The following SGSM1 variants were observed in gnomAD, a reference collection of about 807,000 sequenced individuals.
The protein encoded by SGSM1 is small G protein signaling modulator 1.
SGSM1 carries 73 observed loss-of-function variants against 133.8 expected under a neutral mutation model. The ratio of observed to expected loss-of-function variants is 0.55; its 90% CI spans 0.45 to 0.66. The LOEUF (loss-of-function observed/expected upper bound fraction) is 0.66, where lower values mean the gene tolerates loss of function less well. Among genes scored for constraint, SGSM1 ranks in the 30% least tolerant of loss-of-function variants. The probability of loss-of-function intolerance (pLI) is 0.00; values close to 1 mark genes in which losing one functional copy is unlikely to be tolerated. For missense variants in SGSM1, 1,213 were observed against 1,448.1 expected, an observed-to-expected ratio of 0.84 and a Z score of 2.64; for synonymous variants, 563 against 573.0, an observed-to-expected ratio of 0.98 and a Z score of 0.25.
chr22:24,920,009 G>A lies in SGSM1; in HGVS notation c.3193+16G>A. On this transcript the variant is annotated intron_variant, in intron 24 of 24. Coordinates refer to ENST00000400358, the MANE Select transcript of SGSM1 (RefSeq NM_001098497.3). ...TTCTTTAATGGTACCCACATGACTG[G>A]GGCCTCATGAGAGGGGTGCAGGCTT... The A allele has an allele frequency of 6.3e-7, 1 of 1,578,746 alleles. No individual in the cohort carries two copies. The highest frequency in any genetic ancestry group is 8.6e-7 in the Non-Finnish European group (1 of 1,162,214).
chr22:24,853,769 A>ATTTTTTTTTTTTTTTTTTT (rs57736929), intron 5 of SGSM1, among the ~76,000 whole-genome samples: 2 of 123,438 alleles, frequency 1.6e-5, no homozygotes, highest in African/African-American at 3.3e-5. Flanking sequence ...CGCCTGGTGA[A>ATTTTTTTTTTTTTTTTTTT]TTTTTTTTTT....
Position 24,890,214 on chromosome 22 carries a change from C to T in SGSM1, c.1771-3217C>T, listed in dbSNP as rs185517730. On this transcript the variant is annotated intron_variant, in intron 16 of 24. Coordinates refer to ENST00000400358, the MANE Select transcript of SGSM1 (RefSeq NM_001098497.3). ...CTTGTGATCCGCCCGCCTTGGCCTC[C>T]CAAAGTCCTGGGATTACAGGCATGA... Among the ~76,000 whole-genome samples, 110 of 152,290 alleles carry T rather than the reference C, an allele frequency of 7.2e-4. 1 individual carries two copies. Among genetic ancestry groups the T allele is most frequent in the African/African-American group, 2.6e-3 (108 of 41,550 alleles).
chr22:24,905,167 T>A lies in SGSM1; in HGVS notation c.2798T>A (p.Leu933Gln), dbSNP rs1331093729. The change falls in exon 21 of 25, where the codon CTG becomes CAG. Residue 933 changes from leucine (L) to glutamine (Q), a missense_variant. Leu to Gln is a moderately radical substitution (Grantham distance 113). Transcript: ENST00000400358. ...GGCATGTGTGATCTTCTGGCTCCAC[T>A]GCTGGTCATTCTGGATGATGGTGAG... ...VQGMCDLLAPLLVILDDEALA... is the reference protein window; with the variant it reads ...VQGMCDLLAPQLVILDDEALA... 1.9e-6 allele frequency: 3 copies of A among 1,613,914 alleles called. No homozygotes were observed.
intron 2 of SGSM1, among the ~76,000 whole-genome samples, chr22:24,829,613 G>A (rs7288359): frequency 0.22 from 33,418 of 151,994 alleles, 5,254 homozygotes; most frequent in African/African-American, 0.43. Context: ...CTGCTGTGAG[G>A]CAAGGTATTC....
chr22:24,828,902 G>A (rs763235907), intron 2 of SGSM1, among the ~76,000 whole-genome samples: 9 of 152,134 alleles, frequency 5.9e-5, no homozygotes, highest in Non-Finnish European at 1.3e-4. Flanking sequence ...CCACACAAAA[G>A]AATGAGATTG....
chr22:24,891,145 G>A (rs368463451), intron 16 of SGSM1, among the ~76,000 whole-genome samples: 2 of 152,160 alleles, frequency 1.3e-5, no homozygotes, highest in East Asian at 1.9e-4. Flanking sequence ...GATTGCTTGA[G>A]GCCAGGAGTT....
intron 5 of SGSM1, among the ~76,000 whole-genome samples, chr22:24,853,565 A>G (rs1715500944): frequency 6.6e-6 from 1 of 152,186 alleles, no homozygotes; most frequent in South Asian, 2.1e-4. Context: ...TTACAGTTCC[A>G]CATGGCTGGG....
At chr22:24,880,844 C>T (rs767239096) in intron 14 of SGSM1, among the ~76,000 whole-genome samples, 1 of 152,108 alleles carries the variant, frequency 6.6e-6, no homozygotes, top group African/African-American at 2.4e-5. Flanking sequence ...CCCAGCGATG[C>T]GACTTGGGCA....
At chr22:24,890,232 A>G (rs1300558287) in intron 16 of SGSM1, among the ~76,000 whole-genome samples, 1 of 152,218 alleles carries the variant, frequency 6.6e-6, no homozygotes, top group Non-Finnish European at 1.5e-5. Flanking sequence ...CTGGGATTAC[A>G]GGCATGAGCC....
chr22:24,915,514 G>A (rs8137759), intron 22 of SGSM1, among the ~76,000 whole-genome samples: 10,526 of 152,194 alleles, frequency 0.069, 974 homozygotes, highest in African/African-American at 0.21. Context: ...TCTTGGATAT[G>A]ATCGAGCATC....
intron 2 of SGSM1, among the ~76,000 whole-genome samples, chr22:24,818,679 G>A (rs1039909427): frequency 1.3e-5 from 2 of 151,898 alleles, no homozygotes; most frequent in Non-Finnish European, 2.9e-5. Flanking sequence ...GGATTAGGAC[G>A]TTAAAATATG....
At chr22:24,853,307 G>C (rs918507561) in intron 5 of SGSM1, among the ~76,000 whole-genome samples, 1 of 152,192 alleles carries the variant, frequency 6.6e-6, no homozygotes, top group African/African-American at 2.4e-5. Flanking sequence ...GTGGCCTCCA[G>C]CAAATAAATC....
intron 2 of SGSM1, among the ~76,000 whole-genome samples, chr22:24,837,590 C>CCTCCCG (rs1555922726): frequency 1.5e-4 from 21 of 137,086 alleles, no homozygotes; most frequent in African/African-American, 6.2e-4. Context: ...CCCCCCCCCC[C>CCTCCCG]CTTTCCCAGT....
intron 20 of SGSM1, 102 bp downstream of exon 20, chr22:24,902,059 G>A: frequency 8.2e-7 from 1 of 1,221,164 alleles, no homozygotes; most frequent in Non-Finnish European, 1.1e-6. Flanking sequence ...TTCTGAAGCT[G>A]GCATCATACT....
intron 5 of SGSM1, among the ~76,000 whole-genome samples, chr22:24,851,958 T>G (rs1276311306): frequency 6.6e-6 from 1 of 152,214 alleles, no homozygotes; most frequent in Non-Finnish European, 1.5e-5. Context: ...CCATGAAGGT[T>G]TCTGGGCCTC....
At position 24,858,198 on chromosome 22, in the gene SGSM1, T is replaced by C. The variant is rs556358337; in HGVS notation, c.802-1518T>C. Reference sequence around the variant, plus strand: ...TCTCGCTATGTTGCCCAGGCTGATCTAAAACTCCTGGGCTCAGGTAATTCT... The same window carrying C: ...TCTCGCTATGTTGCCCAGGCTGATCCAAAACTCCTGGGCTCAGGTAATTCT... On this transcript the variant is annotated intron_variant, in intron 8 of 24. Coordinates refer to ENST00000400358, the MANE Select transcript of SGSM1 (RefSeq NM_001098497.3). Among the ~76,000 whole-genome samples the C allele has an allele frequency of 4.6e-5, 7 of 152,320 alleles. No homozygotes were observed. In the South Asian group the frequency reaches 1.5e-3, roughly 32 times the overall value.
Position 24,868,427 on chromosome 22 carries a change from C to T in SGSM1, c.1046C>T (p.Pro349Leu), listed in dbSNP as rs572881469. The change falls in exon 11 of 25, where the codon CCG becomes CTG. Residue 349 changes from proline to leucine, a missense_variant. By Grantham distance (98) the Pro-to-Leu change is moderately conservative. Coordinates refer to ENST00000400358, the MANE Select transcript of SGSM1 (RefSeq NM_001098497.3). ...GTCAGCCAGGACGGGATCCAGAGGC[C>T]GCCCTTCCGCTTCCCCAAGGGCGGG... ...VLVSQDGIQR[P>L]PFRFPKGGHL... 10 of 1,613,726 alleles carry T rather than the reference C, an allele frequency of 6.2e-6. No individual in the cohort carries two copies. The highest frequency in any genetic ancestry group is 7.6e-6 in the Non-Finnish European group (9 of 1,179,860).
chr22:24,827,465 C>T (rs1386983767), intron 2 of SGSM1, among the ~76,000 whole-genome samples: 2 of 151,936 alleles, frequency 1.3e-5, no homozygotes, highest in Non-Finnish European at 2.9e-5. Flanking sequence ...TGCTCAGAGG[C>T]CTGACGTGGA....
Position 24,924,354 on chromosome 22 carries a change from C to A in SGSM1, c.*80C>A. The A allele has an allele frequency of 7.7e-7, 1 of 1,292,994 alleles. No homozygotes were observed. Among genetic ancestry groups the A allele is most frequent in the Non-Finnish European group, 1.1e-6 (1 of 900,274 alleles). The allele number at this position is 1,292,994 out of a possible 1,614,324, so 80.1% of individuals were successfully genotyped here. Reference sequence around the variant, plus strand: ...TTACTTTTCCTCCTGGCTGGATGGGCACCCCGGGAGCGGGGTCCTGGTGTC... The same window carrying A: ...TTACTTTTCCTCCTGGCTGGATGGGAACCCCGGGAGCGGGGTCCTGGTGTC... On this transcript the variant is annotated 3_prime_UTR_variant, in exon 25 of 25. Coordinates refer to ENST00000400358, the MANE Select transcript of SGSM1 (RefSeq NM_001098497.3).
Sources: allele counts gnomAD v4.1 joint callset (sites outside exome capture counted in the v4.1 genomes callset), GRCh38; gene constraint gnomAD v4.1.1; transcripts MANE v1.5; gene names NCBI Gene and HGNC (gene_info 2026-07-23, HGNC 2026-07-21).